Variants in GREB1L observed in about 807,000 individuals in gnomAD.
GREB1L encodes the protein GREB1 like retinoic acid receptor coactivator.
GREB1L carries 17 observed loss-of-function variants against 200.8 expected under a neutral mutation model. That is an observed-to-expected ratio of 0.08 (90% CI 0.06 to 0.13). The LOEUF is 0.13. GREB1L is among the 10% of genes least tolerant of loss of function. The pLI is 1.00. For synonymous variants in GREB1L, 789 were observed against 893.0 expected (o/e 0.88, Z 2.08); for missense variants, 1,657 against 2,367.7 (o/e 0.70, Z 6.23).
rs555089464 is a variant in GREB1L at position 21,340,585 on chromosome 18, C to G, written c.-119-25442C>G. On this transcript the variant is annotated intron_variant, in intron 1 of 32. Transcript: ENST00000424526. ...TGAGACGGAGTCTTGCTCTGTCGCCCAGGCTGGAGTGCAATGGCACAATCT... is the reference window on the plus strand; with the variant it reads ...TGAGACGGAGTCTTGCTCTGTCGCCGAGGCTGGAGTGCAATGGCACAATCT... 6.9e-4 allele frequency among the ~76,000 whole-genome samples: 105 copies of G among 151,136 alleles called. 4 individuals are homozygous for G. In the South Asian group the frequency reaches 0.021, roughly 31 times the overall value.
intron 1 of GREB1L, among the ~76,000 whole-genome samples, chr18:21,313,195 A>T (rs1368748875): frequency 6.6e-6 from 1 of 151,620 alleles, no homozygotes; most frequent in East Asian, 1.9e-4. Flanking sequence ...TTTTTATTTA[A>T]TATTGCTGGT....
chr18:21,327,734 C>T (rs1219356068), intron 1 of GREB1L, among the ~76,000 whole-genome samples: 3 of 150,736 alleles, frequency 2.0e-5, no homozygotes, highest in East Asian at 1.9e-4. Flanking sequence ...GTGGGGGGCA[C>T]GGAGTCTCAC....
chr18:21,291,840 A>G (rs2038455581), intron 1 of GREB1L, among the ~76,000 whole-genome samples: 1 of 152,188 alleles, frequency 6.6e-6, no homozygotes, highest in African/African-American at 2.4e-5. Context: ...ATCTCTACAT[A>G]ATGACACCAA....
chr18:21,465,826 A>G (rs942524489), intron 15 of GREB1L, among the ~76,000 whole-genome samples: 3 of 152,154 alleles, frequency 2.0e-5, no homozygotes, highest in South Asian at 2.1e-4. Context: ...TCACAATGGA[A>G]TGAGCACTCA....
chr18:21,458,713 G>A (rs1437151065), intron 15 of GREB1L, among the ~76,000 whole-genome samples: 7 of 152,088 alleles, frequency 4.6e-5, no homozygotes, highest in Admixed American at 1.3e-4. Context: ...GAATTTGAAG[G>A]TTAAAAAAAA....
chr18:21,429,388 G>C (rs1485121362), intron 7 of GREB1L, among the ~76,000 whole-genome samples: 1 of 147,906 alleles, frequency 6.8e-6, no homozygotes, highest in Non-Finnish European at 1.5e-5. Context: ...TGTAACCCAG[G>C]CTGGAGTGCA....
At chr18:21,383,898 T>G (rs1216869396) in intron 3 of GREB1L, among the ~76,000 whole-genome samples, 1 of 151,920 alleles carries the variant, frequency 6.6e-6, no homozygotes, top group Non-Finnish European at 1.5e-5. Flanking sequence ...GTATTTTTAT[T>G]AAAGACAGGA....
intron 7 of GREB1L, among the ~76,000 whole-genome samples, chr18:21,427,835 A>G (rs536183495): frequency 6.6e-6 from 1 of 152,212 alleles, no homozygotes. Flanking sequence ...GATACATTTT[A>G]TTTTCCTTCC....
intron 1 of GREB1L, among the ~76,000 whole-genome samples, chr18:21,335,418 T>C (rs1458110698): frequency 2.6e-5 from 4 of 152,144 alleles, no homozygotes; most frequent in Admixed American, 6.5e-5. Context: ...ATCAAGAAGG[T>C]CTTCATTCCA....
At chr18:21,270,336 A>T (rs372720533) in intron 1 of GREB1L, among the ~76,000 whole-genome samples, 84 of 152,310 alleles carry the variant, frequency 5.5e-4, no homozygotes, top group African/African-American at 1.9e-3. Context: ...AGAGGCAGAA[A>T]AACATGGGCC....
At chr18:21,419,773 C>T (rs1465750503) in intron 7 of GREB1L, among the ~76,000 whole-genome samples, 1 of 152,116 alleles carries the variant, frequency 6.6e-6, no homozygotes, top group East Asian at 1.9e-4. Context: ...AACAAAAGCA[C>T]AAAGACAATG....
chr18:21,358,657 G>A (rs1163033742), intron 1 of GREB1L, among the ~76,000 whole-genome samples: 1 of 152,118 alleles, frequency 6.6e-6, no homozygotes, highest in Admixed American at 6.5e-5. Context: ...AGGACACAAA[G>A]GTGTAAGAAT....
At chr18:21,257,976 T>G (rs1567910703) in intron 1 of GREB1L, among the ~76,000 whole-genome samples, 2 of 152,290 alleles carry the variant, frequency 1.3e-5, no homozygotes, top group South Asian at 4.1e-4. Flanking sequence ...ACAAGAGCCT[T>G]CAGGTACTAA....
In GREB1L at chr18:21,398,632, T is replaced by A. The variant is rs117572501; in HGVS notation, c.533-2518T>A. Among the ~76,000 whole-genome samples, 102 of 152,338 alleles carry A rather than the reference T, an allele frequency of 6.7e-4. No individual in the cohort carries two copies. The East Asian group carries it at 0.015, about 23-fold the overall frequency. The stretch of plus-strand genomic sequence containing the variant: ...TTCATCCAACATTTCTTACTTAAAG[T>A]GGATGATTTTCGTATGCATTAAAAT... On this transcript the variant is annotated intron_variant, in intron 5 of 32. Coordinates refer to ENST00000424526, the MANE Select transcript of GREB1L (RefSeq NM_001142966.3).
intron 1 of GREB1L, among the ~76,000 whole-genome samples, chr18:21,306,442 G>C (rs1004496739): frequency 6.6e-6 from 1 of 152,148 alleles, no homozygotes; most frequent in African/African-American, 2.4e-5. Context: ...TTTTTCTCTT[G>C]TAATGCCTGT....
At chr18:21,481,869 T>G (rs574345532) in intron 17 of GREB1L, among the ~76,000 whole-genome samples, 3 of 152,240 alleles carry the variant, frequency 2.0e-5, no homozygotes, top group Non-Finnish European at 4.4e-5. Context: ...CCACAATTCA[T>G]GTATCCATCC....
intron 7 of GREB1L, among the ~76,000 whole-genome samples, chr18:21,430,265 T>C (rs1384116493): frequency 1.3e-5 from 2 of 152,084 alleles, no homozygotes; most frequent in African/African-American, 4.8e-5. Context: ...TAGCATTTGT[T>C]TATAATGCTT....
chr18:21,516,602 T>C lies in GREB1L; in HGVS notation c.5130-11T>C. On this transcript the variant is annotated splice_polypyrimidine_tract_variant and intron_variant, in intron 29 of 32. Transcript: ENST00000424526. The stretch of plus-strand genomic sequence containing the variant: ...CAGCGGAAGAAAACTATTGTTGTGG[T>C]TACAATTTAGGTATTTCTGTGAAGA... The C allele has an allele frequency of 6.4e-7, 1 of 1,550,812 alleles. No individual in the cohort carries two copies. The highest frequency in any genetic ancestry group is 2.0e-5 in the Admixed American group (1 of 50,934).
chr18:21,411,087 C>T (rs925783048), intron 7 of GREB1L, among the ~76,000 whole-genome samples: 2 of 152,094 alleles, frequency 1.3e-5, no homozygotes, highest in Admixed American at 6.5e-5. Context: ...GCAATAAATA[C>T]ATGAAAAGAT....
Sources: allele counts gnomAD v4.1 joint callset (sites outside exome capture counted in the v4.1 genomes callset), GRCh38; gene constraint gnomAD v4.1.1; transcripts MANE v1.5; gene names NCBI Gene and HGNC (gene_info 2026-07-23, HGNC 2026-07-21).